KIRREL3: variants seen among roughly 807,000 people sequenced by gnomAD.
KIRREL3 encodes kirre like nephrin family adhesion molecule 3, also known as kin of IRRE-like protein 3.
KIRREL3 carries 36 observed loss-of-function variants against 89.7 expected under a neutral mutation model. The ratio of observed to expected loss-of-function variants is 0.40; its 90% CI spans 0.31 to 0.53. The LOEUF (loss-of-function observed/expected upper bound fraction) is 0.53. Ranked by LOEUF, KIRREL3 falls within the 20% of genes least tolerant of loss-of-function variation. The pLI, the probability that KIRREL3 is intolerant of heterozygous loss-of-function variation, is 0.49. For synonymous variants in KIRREL3, 445 were observed against 441.4 expected, an observed-to-expected ratio of 1.01 and a Z score of -0.10; for missense variants, 864 against 1,056.6, an observed-to-expected ratio of 0.82 and a Z score of 2.53.
intron 1 of KIRREL3, among the ~76,000 whole-genome samples, chr11:126,714,919 G>A (rs1419223364): frequency 1.3e-5 from 2 of 152,166 alleles, no homozygotes; most frequent in African/African-American, 4.8e-5. Flanking sequence ...GGTGATCAGC[G>A]GAGTTTTACT....
chr11:126,928,654 T>C (rs1490462306), intron 1 of KIRREL3, among the ~76,000 whole-genome samples: 1 of 152,204 alleles, frequency 6.6e-6, no homozygotes, highest in East Asian at 1.9e-4. Flanking sequence ...TCTCAGTTAA[T>C]GCAAAAGACC....
intron 1 of KIRREL3, among the ~76,000 whole-genome samples, chr11:126,809,346 A>G (rs1245683094): frequency 1.3e-5 from 2 of 152,170 alleles, no homozygotes; most frequent in Non-Finnish European, 2.9e-5. Flanking sequence ...CAATCCAATG[A>G]CCATTTATTT....
intron 9 of KIRREL3, 46 bp from the exon 10 acceptor site, chr11:126,445,151 G>A (rs1255129028): frequency 1.9e-6 from 3 of 1,605,022 alleles, no homozygotes; most frequent in Non-Finnish European, 2.6e-6. Context: ...GCGGAGGGGT[G>A]CACTCTTGTC....
chr11:126,510,431 T>TCCTTCCTC (rs1407783647), intron 4 of KIRREL3, among the ~76,000 whole-genome samples: 1 of 145,118 alleles, frequency 6.9e-6, no homozygotes, highest in African/African-American at 2.6e-5. Context: ...TTTCCTTCCT[T>TCCTTCCTC]CCTTCCTTCC....
intron 4 of KIRREL3, among the ~76,000 whole-genome samples, chr11:126,505,789 C>A (rs1460525328): frequency 1.3e-5 from 2 of 152,060 alleles, no homozygotes; most frequent in Non-Finnish European, 2.9e-5. Flanking sequence ...GAAAACACTG[C>A]TGAGAAAAAT....
chr11:126,936,858 C>T (rs1209444122), intron 1 of KIRREL3: 1 of 152,078 alleles, frequency 6.6e-6, no homozygotes, highest in Non-Finnish European at 1.5e-5. Flanking sequence ...TGTAAATTTA[C>T]TAAAATTCAT....
chr11:126,827,822 T>A (rs1175692628), intron 1 of KIRREL3, among the ~76,000 whole-genome samples: 1 of 152,184 alleles, frequency 6.6e-6, no homozygotes, highest in African/African-American at 2.4e-5. Context: ...GGCAATTTTC[T>A]TCCTGTTTTT....
rs558009958 is a variant in KIRREL3 at position 126,558,678 on chromosome 11, T to A, written c.133+4157A>T. Among the ~76,000 whole-genome samples, 2 of 152,262 alleles carry A rather than the reference T, an allele frequency of 1.3e-5. No individual in the cohort carries two copies. Among genetic ancestry groups the A allele is most frequent in the South Asian group, 4.1e-4 (2 of 4,830 alleles). ...CAGGCACAGCCCCTCCCCTGATACA[T>A]GTGACAGCCTTCTACTCTGCCTGGG... On this transcript the variant is annotated intron_variant, in intron 2 of 16. Coordinates refer to ENST00000525144, the MANE Select transcript of KIRREL3 (RefSeq NM_032531.4). This position sits in a 1 kb window ranked among gnomAD's most constrained non-coding sequence, Gnocchi z 4.0.
At chr11:126,841,523 C>T (rs867358948) in intron 1 of KIRREL3, among the ~76,000 whole-genome samples, 2 of 152,214 alleles carry the variant, frequency 1.3e-5, no homozygotes, top group Admixed American at 6.5e-5. Flanking sequence ...CATAAGATTG[C>T]TGTAATTCAT....
rs1565359577 is a variant in KIRREL3 at position 126,860,144 on chromosome 11, T to C, written c.55+140311A>G. ...AAGGAGAGAAAGAGGGAGGATGATA[T>C]TGGAATTAATTTCAATACAACAAAC... On this transcript the variant is annotated intron_variant, in intron 1 of 16. Transcript: ENST00000525144. This position sits in a 1 kb window ranked among gnomAD's most constrained non-coding sequence, Gnocchi z 4.6. 1.3e-5 allele frequency among the ~76,000 whole-genome samples: 2 copies of C among 152,112 alleles called. No individual in the cohort carries two copies. Among genetic ancestry groups the C allele is most frequent in the African/African-American group, 2.4e-5 (1 of 41,410 alleles).
rs1488649125 is a variant in KIRREL3 at position 126,897,275 on chromosome 11, G to C, written c.55+103180C>G. On this transcript the variant is annotated intron_variant, in intron 1 of 16. Transcript: ENST00000525144. This position sits in a 1 kb window ranked among gnomAD's most constrained non-coding sequence, Gnocchi z 4.2. ...GGCTGGCGGGGAATCTCATGAGGAG[G>C]AGATCAGTCCTGGAATGTCCAGGAC... is the stretch of plus-strand genomic sequence containing the variant. Among the ~76,000 whole-genome samples, 1 of 152,114 alleles carries C rather than the reference G, an allele frequency of 6.6e-6. No individual in the cohort carries two copies. The highest frequency in any genetic ancestry group is 1.5e-5 in the Non-Finnish European group (1 of 68,014).
intron 1 of KIRREL3, among the ~76,000 whole-genome samples, chr11:126,758,528 T>G (rs1171445205): frequency 6.6e-6 from 1 of 152,224 alleles, no homozygotes; most frequent in Non-Finnish European, 1.5e-5. Context: ...CATCTTGATT[T>G]GCCTTGATCA....
chr11:126,880,372 C>T (rs901426064), intron 1 of KIRREL3, among the ~76,000 whole-genome samples: 2 of 152,200 alleles, frequency 1.3e-5, no homozygotes, highest in Non-Finnish European at 2.9e-5. Flanking sequence ...ATCGTCCCTT[C>T]GTCTCTGGTT....
At chr11:126,457,317 G>A (rs921897301) in intron 6 of KIRREL3, among the ~76,000 whole-genome samples, 3 of 151,554 alleles carry the variant, frequency 2.0e-5, no homozygotes, top group South Asian at 4.2e-4. Flanking sequence ...GTCTCTGTGT[G>A]TATGCATGTG....
In KIRREL3 at chr11:126,511,636, G is replaced by A. The variant is rs1193256520; in HGVS notation, c.433+9679C>T. On this transcript the variant is annotated intron_variant, in intron 4 of 16. Transcript: ENST00000525144. The stretch of plus-strand genomic sequence containing the variant: ...GCTCTGGCCCCTGCCAATCTTCCAG[G>A]ACCTCTCTTTCTCTCCAGGCTTGGC... Among the ~76,000 whole-genome samples the A allele has an allele frequency of 3.9e-5, 6 of 152,274 alleles. No individual in the cohort carries two copies. The East Asian group carries it at 1.2e-3, about 29-fold the overall frequency.
At chr11:126,433,750 G>A (rs1955218964) in intron 13 of KIRREL3, among the ~76,000 whole-genome samples, 1 of 152,246 alleles carries the variant, frequency 6.6e-6, no homozygotes, top group Non-Finnish European at 1.5e-5. Flanking sequence ...CTCTGCTTTT[G>A]AATTGGATTG....
rs1441272981 is a variant in KIRREL3, at chr11:126,531,019, A to G, written c.134-4332T>C. Among the ~76,000 whole-genome samples, 5 of 151,984 alleles carry G rather than the reference A, an allele frequency of 3.3e-5. No homozygotes were observed. The highest frequency in any genetic ancestry group is 6.6e-5 in the Admixed American group (1 of 15,260). ...TAATTTTTGTATTTTTAGTAGAGAC[A>G]GGGTTTCACCATATTGGCCAGGCTG... On this transcript the variant is annotated intron_variant, in intron 2 of 16. Transcript: ENST00000525144. The surrounding 1 kb of genome is among the most constrained non-coding windows in gnomAD (Gnocchi z 4.7).
At chr11:126,799,432 GTGTA>G (rs1950954107) in intron 1 of KIRREL3, among the ~76,000 whole-genome samples, 5 of 58,928 alleles carry the variant, frequency 8.5e-5, no homozygotes, top group East Asian at 2.7e-3. Flanking sequence ...GTGTGCATGT[GTGTA>G]TCTGTGTGCA....
chr11:126,804,227 G>A (rs935892978), intron 1 of KIRREL3, among the ~76,000 whole-genome samples: 1 of 152,206 alleles, frequency 6.6e-6, no homozygotes, highest in Admixed American at 6.5e-5. Context: ...ATCTGTGAAG[G>A]AAATTACAGT....
Sources: gnomAD v4.1 joint callset for allele counts (sites outside exome capture counted in the v4.1 genomes callset) on GRCh38, gnomAD v4.1.1 for gene constraint, Gnocchi (gnomAD v3.1) non-coding constraint, MANE v1.5 for transcripts, NCBI Gene and HGNC (gene_info 2026-07-23, HGNC 2026-07-21) for gene names.